The following FREM1 variants were observed in gnomAD, a reference collection of about 807,000 sequenced individuals.
The protein encoded by FREM1 is FRAS1-related extracellular matrix protein 1.
In FREM1, 220 loss-of-function variants were observed where a neutral mutation model predicts 210.1. The observed-to-expected ratio is 1.05, with a 90% CI of 0.94 to 1.17. The LOEUF (loss-of-function observed/expected upper bound fraction) is 1.17. FREM1 is among the 50% of genes most tolerant of loss of function. The probability of loss-of-function intolerance (pLI) is 0.00; values close to 1 mark genes in which losing one functional copy is unlikely to be tolerated. For missense variants in FREM1, 3,454 were observed against 2,675.5 expected (o/e 1.29, Z -6.42); for synonymous variants, 1,189 against 980.2 (o/e 1.21, Z -3.98).
rs1825702531 is a variant in FREM1 at position 14,841,577 on chromosome 9, T to C, written c.1751A>G (p.His584Arg). Reference protein sequence around the residue: ...PGPGLIGYPVHGFLQRDLFNG... With the variant: ...PGPGLIGYPVRGFLQRDLFNG... ...AAACAAATCCCTCTGAAGGAAGCCA[T>C]GGACAGGATAGCCTATTGGGTCCAT... Residue 584 changes from histidine to arginine, a missense_variant, in exon 10 of 37, where the codon CAT (histidine) becomes CGT (arginine). Physicochemically the swap from His to Arg is conservative, Grantham distance 29. Transcript: ENST00000380880. The C allele has an allele frequency of 1.2e-6, 2 of 1,606,192 alleles. No homozygotes were observed. Among genetic ancestry groups the C allele is most frequent in the East Asian group, 2.2e-5 (1 of 44,722 alleles).
chr9:14,803,941 T>TCTATTA (rs1394787572), intron 19 of FREM1, among the ~76,000 whole-genome samples: 1 of 152,226 alleles, frequency 6.6e-6, no homozygotes, highest in Non-Finnish European at 1.5e-5. Flanking sequence ...TATGTTATAA[T>TCTATTA]ATCCTTCTTC....
intron 1 of FREM1, among the ~76,000 whole-genome samples, chr9:14,891,559 T>G (rs1836821702): frequency 6.6e-6 from 1 of 152,190 alleles, no homozygotes; most frequent in Admixed American, 6.5e-5. Context: ...AGACCCTGCC[T>G]CAGAAAAGCA....
chr9:14,752,756 G>C (rs573688380), intron 29 of FREM1, among the ~76,000 whole-genome samples: 1 of 152,116 alleles, frequency 6.6e-6, no homozygotes, highest in Non-Finnish European at 1.5e-5. Context: ...ATAAAGTTAA[G>C]CATCATGTAA....
At chr9:14,822,322 G>C (rs1448838700) in intron 13 of FREM1, among the ~76,000 whole-genome samples, 1 of 152,156 alleles carries the variant, frequency 6.6e-6, no homozygotes. Context: ...CTCAGGGTAA[G>C]ACCTCTGCCC....
intron 18 of FREM1, among the ~76,000 whole-genome samples, chr9:14,805,765 A>T (rs1818235639): frequency 6.6e-6 from 1 of 152,228 alleles, no homozygotes; most frequent in African/African-American, 2.4e-5. Context: ...ACATTCTTCA[A>T]AAGGGGTTTG....
At chr9:14,870,596 G>GA (rs914502954) in intron 1 of FREM1, among the ~76,000 whole-genome samples, 3 of 151,880 alleles carry the variant, frequency 2.0e-5, no homozygotes, top group Non-Finnish European at 4.4e-5. Flanking sequence ...TTTATCAATA[G>GA]AAAAAATACC....
chr9:14,744,488 T>TA (rs1360460808), intron 35 of FREM1, among the ~76,000 whole-genome samples: 2 of 152,106 alleles, frequency 1.3e-5, no homozygotes, highest in African/African-American at 4.8e-5. Flanking sequence ...TGCAATCATA[T>TA]AATAAGTATT....
At chr9:14,826,296 T>A (rs985278354) in intron 10 of FREM1, among the ~76,000 whole-genome samples, 18 of 152,152 alleles carry the variant, frequency 1.2e-4, no homozygotes, top group African/African-American at 3.6e-4. Flanking sequence ...TTCACCATGT[T>A]GGCCAGTCTG....
At chr9:14,860,522 G>A (rs969407380) in intron 3 of FREM1, among the ~76,000 whole-genome samples, 3 of 95,158 alleles carry the variant, frequency 3.2e-5, no homozygotes, top group South Asian at 2.8e-4. Context: ...TTGTGGGTAC[G>A]TAGTAGGTAT....
intron 1 of FREM1, among the ~76,000 whole-genome samples, chr9:14,873,393 C>G (rs1473618085): frequency 3.9e-5 from 6 of 152,126 alleles, no homozygotes; most frequent in Non-Finnish European, 8.8e-5. Context: ...CTGGTTTAGT[C>G]TTCGGAGGGT....
In FREM1 at chr9:14,747,350, T is replaced by C; in HGVS notation, c.5923A>G (p.Ser1975Gly). 11 of 1,613,700 alleles carry C rather than the reference T, an allele frequency of 6.8e-6. No individual in the cohort carries two copies. Among genetic ancestry groups the C allele is most frequent in the Non-Finnish European group, 9.3e-6 (11 of 1,179,690 alleles). Residue 1975 changes from serine (S) to glycine (G), a missense_variant, in exon 33 of 37, where the codon AGT (serine) becomes GGT (glycine). Physicochemically the swap from Ser to Gly is moderately conservative, Grantham distance 56. Transcript: ENST00000380880. ...ACTTTGATTGTCTTTTGTGGCTGAC[T>C]AATGATGGATACTTTGGCCTTCCTT... is the stretch of plus-strand genomic sequence containing the variant. Reference protein sequence around the residue: ...HKRKAKVSIISQPQKTIKVAE... With the variant: ...HKRKAKVSIIGQPQKTIKVAE...
At position 14,842,373 on chromosome 9, in the gene FREM1, T is replaced by C. The variant is rs1376481617; in HGVS notation, c.1681A>G (p.Ile561Val). The C allele has an allele frequency of 6.2e-7, 1 of 1,610,832 alleles. No homozygotes were observed. Among genetic ancestry groups the C allele is most frequent in the Admixed American group, 1.7e-5 (1 of 59,954 alleles). The stretch of plus-strand genomic sequence containing the variant: ...TCCCCAGCCTGTGGAGGCTTTGTGA[T>C]ATTGAAGAAGATGTAGTCATCACTG... ...DASDDYIFFN[I>V]TKPPQAGEIM... Residue 561 changes from isoleucine (I) to valine (V), a missense_variant, in exon 9 of 37, where the codon ATC becomes GTC. Transcript: ENST00000380880.
intron 17 of FREM1, among the ~76,000 whole-genome samples, 176 bp from the exon 18 acceptor site, chr9:14,807,022 G>A (rs765983690): frequency 2.8e-4 from 43 of 152,158 alleles, no homozygotes; most frequent in Admixed American, 2.6e-4. Context: ...AAAATCTTGA[G>A]TGGTAATGAG....
chr9:14,904,633 T>C (rs115289980), intron 1 of FREM1, among the ~76,000 whole-genome samples: 201 of 152,288 alleles, frequency 1.3e-3, no homozygotes, highest in African/African-American at 4.4e-3. Flanking sequence ...AAGTCTCAAC[T>C]TTCAGAAAGG....
intron 1 of FREM1, among the ~76,000 whole-genome samples, chr9:14,906,204 ACTGG>A (rs1817670258): frequency 6.6e-6 from 1 of 152,226 alleles, no homozygotes; most frequent in South Asian, 2.1e-4. Flanking sequence ...CCCTGAGGAA[ACTGG>A]CTGAGTAACT....
chr9:14,752,400 TTACATG>T (rs374241846), intron 29 of FREM1, among the ~76,000 whole-genome samples: 466 of 151,804 alleles, frequency 3.1e-3, no homozygotes, highest in African/African-American at 0.011. Context: ...AATAGAGAGG[TTACATG>T]GGTGGACAGG....
chr9:14,747,496 A>G (rs1842680981), intron 32 of FREM1, 68 bp from the exon 33 acceptor site: 3 of 1,483,606 alleles, frequency 2.0e-6, no homozygotes, highest in African/African-American at 1.4e-5. Context: ...CAAAAAAATG[A>G]GCAATTCAAA....
Position 14,815,423 on chromosome 9 carries a change from G to C in FREM1, c.2640+1355C>G, listed in dbSNP as rs780569358. On this transcript the variant is annotated intron_variant, in intron 15 of 36. Transcript: ENST00000380880. The stretch of plus-strand genomic sequence containing the variant: ...TTACAAAGACATTATTACCAATATA[G>C]TAATGAGTTCATATCACAAAGATCT... Among the ~76,000 whole-genome samples the C allele has an allele frequency of 4.3e-4, 65 of 152,234 alleles. No homozygotes were observed. In the Middle Eastern group the frequency reaches 0.01, roughly 24 times the overall value.
At position 14,851,613 on chromosome 9, in the gene FREM1, G is replaced by T; in HGVS notation, c.829-6C>A. Reference sequence around the variant, plus strand: ...GGCAGCCACGCACTCTCTGACTTTTGAAGGATAGAGAAAATATAAAGGAGG... The same window carrying T: ...GGCAGCCACGCACTCTCTGACTTTTTAAGGATAGAGAAAATATAAAGGAGG... On this transcript the variant is annotated splice_polypyrimidine_tract_variant and splice_region_variant and intron_variant, in intron 5 of 36. Transcript: ENST00000380880. The T allele has an allele frequency of 6.3e-7, 1 of 1,590,978 alleles. No homozygotes were observed. The highest frequency in any genetic ancestry group is 8.6e-7 in the Non-Finnish European group (1 of 1,158,998).
Sources: allele counts gnomAD v4.1 joint callset (sites outside exome capture counted in the v4.1 genomes callset), GRCh38; gene constraint gnomAD v4.1.1; transcripts MANE v1.5; gene names NCBI Gene and HGNC (gene_info 2026-07-23, HGNC 2026-07-21).